SORCS3: variants seen among roughly 807,000 people sequenced by gnomAD.
SORCS3 encodes sortilin related VPS10 domain containing receptor 3.
Under a neutral mutation model 146.3 loss-of-function variants are expected in SORCS3, and 57 were observed. The observed-to-expected ratio is 0.39, with a 90% CI of 0.31 to 0.49. The LOEUF (loss-of-function observed/expected upper bound fraction) is 0.49. SORCS3 is among the 20% of genes least tolerant of loss of function. SORCS3 has a pLI of 0.92. For synonymous variants in SORCS3, 653 were observed against 618.5 expected (o/e 1.06, Z -0.83); for missense variants, 1,341 against 1,575.5 (o/e 0.85, Z 2.52).
At chr10:104,842,729 G>A (rs561970666) in intron 1 of SORCS3, 63 bp from the exon 2 acceptor site, 1 of 1,263,428 alleles carries the variant, frequency 7.9e-7, no homozygotes, top group Admixed American at 1.9e-5. Context: ...ACAAACTAAA[G>A]TAAGCTTCCT....
At chr10:104,770,350 G>A (rs1220174261) in intron 1 of SORCS3, among the ~76,000 whole-genome samples, 2 of 152,200 alleles carry the variant, frequency 1.3e-5, no homozygotes, top group East Asian at 1.9e-4. Flanking sequence ...GGACTTTTGT[G>A]TATAAGTGGA....
intron 1 of SORCS3, among the ~76,000 whole-genome samples, chr10:104,705,932 G>C (rs562690251): frequency 6.6e-6 from 1 of 152,308 alleles, no homozygotes; most frequent in Non-Finnish European, 1.5e-5. Context: ...TCTACCTAGA[G>C]GGGTGCTGGG....
intron 1 of SORCS3, among the ~76,000 whole-genome samples, chr10:104,646,509 A>G (rs2133235431): frequency 6.6e-6 from 1 of 152,332 alleles, no homozygotes; most frequent in East Asian, 1.9e-4. Flanking sequence ...GCCCTGAATC[A>G]TCTCATAAGG....
chr10:105,247,074 A>T, intron 21 of SORCS3, 145 bp from the exon 22 acceptor site: 1 of 447,614 alleles, frequency 2.2e-6, no homozygotes, highest in Non-Finnish European at 4.0e-6. Flanking sequence ...GTCAGGAAAC[A>T]AGCTGAGAAC....
In SORCS3 at chr10:104,945,236, C is replaced by CTGTTTTGTTTTGTTTTGTTTTGTTT. The variant is rs10528591; in HGVS notation, c.795+29311_795+29335dup. Among the ~76,000 whole-genome samples, 306 of 151,450 alleles carry CTGTTTTGTTTTGTTTTGTTTTGTTT rather than the reference C, an allele frequency of 2.0e-3. 1 individual carries two copies. Among genetic ancestry groups the CTGTTTTGTTTTGTTTTGTTTTGTTT allele is most frequent in the African/African-American group, 7.1e-3 (293 of 41,020 alleles). On this transcript the variant is annotated intron_variant, in intron 3 of 26. Coordinates refer to ENST00000369701, the MANE Select transcript of SORCS3 (RefSeq NM_014978.3). ...GGGTTTCTGAGGTGTTGCTAATTTT[C>CTGTTTTGTTTTGTTTTGTTTTGTTT]TGTTTTGTTTTGTTTTGTTTTGTTT... is the stretch of plus-strand genomic sequence containing the variant.
intron 4 of SORCS3, among the ~76,000 whole-genome samples, chr10:105,031,210 A>C (rs1211633970): frequency 6.6e-6 from 1 of 151,704 alleles, no homozygotes; most frequent in Non-Finnish European, 1.5e-5. Flanking sequence ...GAGGCAGGAG[A>C]ATTGCTTGAA....
intron 2 of SORCS3, among the ~76,000 whole-genome samples, chr10:104,869,671 G>A (rs935102218): frequency 6.6e-6 from 1 of 152,228 alleles, no homozygotes; most frequent in African/African-American, 2.4e-5. Context: ...CATGAACCAT[G>A]TTTAAATGTG....
chr10:105,025,952 A>G (rs371747748), intron 4 of SORCS3, among the ~76,000 whole-genome samples: 2 of 151,960 alleles, frequency 1.3e-5, no homozygotes, highest in Admixed American at 6.6e-5. Context: ...TTTAAGTTAC[A>G]GTAAGTGACA....
rs114978291 is a variant in SORCS3, at chr10:105,197,916, G to A, written c.2010-2083G>A. ...ACCATTATTTTCATGTCTTCAAGTC[G>A]TTAATAAAAATGATGAACAAGAAAG... On this transcript the variant is annotated intron_variant, in intron 14 of 26. Coordinates refer to ENST00000369701, the MANE Select transcript of SORCS3 (RefSeq NM_014978.3). Among the ~76,000 whole-genome samples, 519 of 152,124 alleles carry A rather than the reference G, an allele frequency of 3.4e-3. 4 individuals carry two copies. The highest frequency in any genetic ancestry group is 0.011 in the African/African-American group (474 of 41,526).
intron 19 of SORCS3, among the ~76,000 whole-genome samples, chr10:105,222,678 T>A (rs982720865): frequency 1.3e-5 from 2 of 152,188 alleles, no homozygotes; most frequent in Non-Finnish European, 2.9e-5. Flanking sequence ...AATGGCCAAT[T>A]GTTGAAGGAG....
At chr10:104,806,403 C>T (rs536900200) in intron 1 of SORCS3, among the ~76,000 whole-genome samples, 1 of 152,304 alleles carries the variant, frequency 6.6e-6, no homozygotes, top group South Asian at 2.1e-4. Context: ...CTAGAACCCT[C>T]TTCAGTTGGG....
At chr10:104,914,438 A>G (rs183695093) in intron 2 of SORCS3, among the ~76,000 whole-genome samples, 1 of 152,208 alleles carries the variant, frequency 6.6e-6, no homozygotes, top group East Asian at 1.9e-4. Context: ...GGGTGTTTAC[A>G]CTGGGCCCAG....
intron 1 of SORCS3, among the ~76,000 whole-genome samples, chr10:104,665,295 T>C (rs1453636052): frequency 1.3e-5 from 2 of 152,230 alleles, no homozygotes; most frequent in African/African-American, 4.8e-5. Flanking sequence ...GCTACTGCTG[T>C]GGACTGTGCT....
intron 20 of SORCS3, among the ~76,000 whole-genome samples, chr10:105,241,345 G>A (rs990028241): frequency 2.0e-5 from 3 of 152,214 alleles, no homozygotes; most frequent in African/African-American, 4.8e-5. Context: ...CAGACCAGGT[G>A]TATCACCTCA....
chr10:104,656,964 T>C (rs2015639983), intron 1 of SORCS3, among the ~76,000 whole-genome samples: 1 of 152,196 alleles, frequency 6.6e-6, no homozygotes, highest in Non-Finnish European at 1.5e-5. Context: ...TATGGGACCT[T>C]TGCAGTGCCC....
chr10:104,912,480 A>G (rs1341738410), intron 2 of SORCS3, among the ~76,000 whole-genome samples: 1 of 152,206 alleles, frequency 6.6e-6, no homozygotes, highest in East Asian at 1.9e-4. Context: ...CTTCCCTAGG[A>G]CAGACCTTGC....
intron 20 of SORCS3, among the ~76,000 whole-genome samples, chr10:105,223,833 G>T (rs1316210550): frequency 6.6e-6 from 1 of 152,202 alleles, no homozygotes; most frequent in Non-Finnish European, 1.5e-5. Context: ...CCTGTGTCAA[G>T]CATGACCACA....
At chr10:104,945,483 T>G (rs1248017626) in intron 3 of SORCS3, among the ~76,000 whole-genome samples, 1 of 152,020 alleles carries the variant, frequency 6.6e-6, no homozygotes. Context: ...GGTCTCGAAC[T>G]CCTGACTTCG....
intron 1 of SORCS3, among the ~76,000 whole-genome samples, chr10:104,715,609 C>T (rs962281180): frequency 1.3e-5 from 2 of 152,158 alleles, no homozygotes; most frequent in Admixed American, 6.5e-5. Flanking sequence ...TACAGTACAT[C>T]GAAGGGGTAG....
Sources: allele counts gnomAD v4.1 joint callset (sites outside exome capture counted in the v4.1 genomes callset), GRCh38; gene constraint gnomAD v4.1.1; transcripts MANE v1.5; gene names NCBI Gene and HGNC (gene_info 2026-07-23, HGNC 2026-07-21).